The following TBC1D19 variants were observed in gnomAD, a reference collection of about 807,000 sequenced individuals.
TBC1D19 encodes the protein TBC1 domain family, member 19.
A neutral mutation model predicts 89.0 loss-of-function variants in TBC1D19; 60 were observed. The observed-to-expected ratio is 0.67, with a 90% CI of 0.55 to 0.84. The LOEUF is 0.84. Among genes scored for constraint, TBC1D19 ranks in the 40% least tolerant of loss-of-function variants. The probability of loss-of-function intolerance (pLI) is 0.00; values close to 1 mark genes in which losing one functional copy is unlikely to be tolerated. For missense variants in TBC1D19, 500 were observed against 610.8 expected, an observed-to-expected ratio of 0.82 and a Z score of 1.91; for synonymous variants, 189 against 199.7, an observed-to-expected ratio of 0.95 and a Z score of 0.45.
At chr4:26,764,240 G>C in the TBC1D19 span, among the ~76,000 whole-genome samples, 1 of 152,116 alleles carries the variant, frequency 6.6e-6, no homozygotes. Context: ...TTATATTATT[G>C]ATGAAGTCGG....
chr4:26,688,458 T>A, intron 13 of TBC1D19, 51 bp downstream of exon 13: 2 of 1,457,204 alleles, frequency 1.4e-6, no homozygotes, highest in Non-Finnish European at 1.8e-6. Context: ...GTTCTCTATA[T>A]CATGATACTT....
the TBC1D19 span, among the ~76,000 whole-genome samples, chr4:26,790,842 G>C: frequency 6.6e-6 from 1 of 152,096 alleles, no homozygotes; most frequent in Non-Finnish European, 1.5e-5. Flanking sequence ...CAGCCAAATG[G>C]AGTTTTATGC....
intron 13 of TBC1D19, among the ~76,000 whole-genome samples, chr4:26,691,796 T>C (rs548820420): frequency 6.6e-6 from 1 of 152,324 alleles, no homozygotes; most frequent in South Asian, 2.1e-4. Flanking sequence ...TATGCCTATA[T>C]AAATAAAATT....
intron 3 of TBC1D19, among the ~76,000 whole-genome samples, chr4:26,620,331 A>G (rs1741963441): frequency 5.3e-5 from 8 of 152,112 alleles, no homozygotes; most frequent in Admixed American, 5.2e-4. Flanking sequence ...GCAATCTGAT[A>G]TTATTTTATT....
At chr4:26,609,244 G>A (rs931798312) in intron 1 of TBC1D19, among the ~76,000 whole-genome samples, 2 of 151,902 alleles carry the variant, frequency 1.3e-5, no homozygotes, top group Non-Finnish European at 2.9e-5. Flanking sequence ...TGTGGTTTGG[G>A]CAATATAATT....
At chr4:26,711,384 G>A (rs950899698) in intron 13 of TBC1D19, among the ~76,000 whole-genome samples, 5 of 152,010 alleles carry the variant, frequency 3.3e-5, no homozygotes, top group Non-Finnish European at 7.4e-5. Flanking sequence ...GGATAAAAAT[G>A]TAAGAGTATC....
At chr4:26,814,220 A>C in the TBC1D19 span, among the ~76,000 whole-genome samples, 1 of 152,212 alleles carries the variant, frequency 6.6e-6, no homozygotes, top group Non-Finnish European at 1.5e-5. Context: ...AGAGGCTTGA[A>C]TTGAGGATGC....
chr4:26,722,422 T>C (rs1717037559), intron 15 of TBC1D19, among the ~76,000 whole-genome samples: 1 of 152,156 alleles, frequency 6.6e-6, no homozygotes, highest in Non-Finnish European at 1.5e-5. Flanking sequence ...TGGTTAACTC[T>C]TTTTTATGCC....
At chr4:26,808,827 C>T in the TBC1D19 span, among the ~76,000 whole-genome samples, 3 of 151,902 alleles carry the variant, frequency 2.0e-5, no homozygotes, top group African/African-American at 4.8e-5. Flanking sequence ...ACCAACTAAG[C>T]TATTTCAAAG....
the TBC1D19 span, among the ~76,000 whole-genome samples, chr4:26,790,934 AT>A: frequency 6.6e-6 from 1 of 152,222 alleles, no homozygotes. Flanking sequence ...ACTGACATTT[AT>A]TTATGGTAAC....
the TBC1D19 span, among the ~76,000 whole-genome samples, chr4:26,824,964 A>G: frequency 6.6e-6 from 1 of 152,220 alleles, no homozygotes; most frequent in Non-Finnish European, 1.5e-5. Flanking sequence ...GGTTATTTAA[A>G]TTTATAACAA....
Position 26,705,071 on chromosome 4 carries a change from G to GA in TBC1D19, c.955-12855dup, listed in dbSNP as rs750767548. ...ATTAACCATTTATATATCTACTCAG[G>GA]AAAAAAATGTCTATTGAAGTCCTTT... On this transcript the variant is annotated intron_variant, in intron 13 of 20. Transcript: ENST00000264866. Among the ~76,000 whole-genome samples, 165 of 151,554 alleles carry GA rather than the reference G, an allele frequency of 1.1e-3. 1 individual carries two copies. The highest frequency in any genetic ancestry group is 1.4e-3 in the Non-Finnish European group (94 of 67,840).
chr4:26,649,935 T>G (rs1744238396), intron 7 of TBC1D19, among the ~76,000 whole-genome samples: 1 of 146,832 alleles, frequency 6.8e-6, no homozygotes, highest in South Asian at 2.4e-4. Flanking sequence ...ATTGTTCAAT[T>G]CCCACCTATG....
Position 26,672,167 on chromosome 4 carries a change from A to T in TBC1D19, c.683A>T (p.His228Leu). 7.9e-7 allele frequency: 1 copy of T among 1,257,938 alleles called. No individual in the cohort carries two copies. The highest frequency in any genetic ancestry group is 2.5e-4 in the Middle Eastern group (1 of 3,992). 77.9% of individuals were successfully genotyped at this position (1,257,938 alleles called of 1,614,324 possible). A position where few individuals can be genotyped will look rare whatever the true frequency, so the allele number is the denominator to read the frequency against. ...QVPPELFENE[H>L]VRIGQKVLAE... ...TTTTTAGAACTTTTTGAAAATGAAC[A>T]TGTACGTATTGGGCAAAAAGGTAAG... Residue 228 changes from histidine (H) to leucine (L), a missense_variant, in exon 10 of 21, where the codon CAT becomes CTT. His to Leu is a moderately conservative substitution (Grantham distance 99). Transcript: ENST00000264866.
intron 8 of TBC1D19, among the ~76,000 whole-genome samples, chr4:26,661,352 C>T (rs1745212202): frequency 1.3e-5 from 2 of 152,164 alleles, no homozygotes; most frequent in African/African-American, 4.8e-5. Context: ...TTACCCTCAA[C>T]CAACTCTAGA....
chr4:26,686,991 G>T (rs900365181), intron 12 of TBC1D19, among the ~76,000 whole-genome samples: 1 of 152,056 alleles, frequency 6.6e-6, no homozygotes, highest in Non-Finnish European at 1.5e-5. Context: ...TAGACTGCTC[G>T]ATGGTAAACA....
intron 11 of TBC1D19, among the ~76,000 whole-genome samples, chr4:26,681,533 A>C (rs1423114185): frequency 6.6e-6 from 1 of 152,122 alleles, no homozygotes. Flanking sequence ...CCTGGGCGAC[A>C]GAGTGAGACG....
At chr4:26,591,650 G>A (rs1490543307) in intron 1 of TBC1D19, among the ~76,000 whole-genome samples, 2 of 152,150 alleles carry the variant, frequency 1.3e-5, no homozygotes, top group Non-Finnish European at 2.9e-5. Context: ...AAATGATAAA[G>A]GGGATATCAC....
chr4:26,809,421 A>T, the TBC1D19 span, among the ~76,000 whole-genome samples: 2 of 151,280 alleles, frequency 1.3e-5, no homozygotes, highest in Non-Finnish European at 2.9e-5. Flanking sequence ...CTAAGACCAC[A>T]CTCCTATTGG....
Sources: gnomAD v4.1 joint callset for allele counts (sites outside exome capture counted in the v4.1 genomes callset) on GRCh38, gnomAD v4.1.1 for gene constraint, MANE v1.5 for transcripts, NCBI Gene and HGNC (gene_info 2026-07-23, HGNC 2026-07-21) for gene names.